The following GTF2E2 variants were observed in gnomAD, a reference collection of about 807,000 sequenced individuals.
GTF2E2 encodes the protein general transcription factor IIE subunit 2, also known as transcription initiation factor IIE subunit beta.
A neutral mutation model predicts 40.5 loss-of-function variants in GTF2E2; 21 were observed. That is an observed-to-expected ratio of 0.52 (90% CI 0.37 to 0.75). The LOEUF is 0.75. GTF2E2 is among the 30% of genes least tolerant of loss of function. GTF2E2 has a pLI of 0.00. For missense variants in GTF2E2, 298 were observed against 338.4 expected, an observed-to-expected ratio of 0.88 and a Z score of 0.94; for synonymous variants, 117 against 121.6, an observed-to-expected ratio of 0.96 and a Z score of 0.25.
At chr8:30,581,875 G>A (rs1025580429) in intron 6 of GTF2E2, among the ~76,000 whole-genome samples, 1 of 152,108 alleles carries the variant, frequency 6.6e-6, no homozygotes, top group African/African-American at 2.4e-5. Flanking sequence ...GGTCCTCAGT[G>A]ATTTGACTAC....
At chr8:30,600,825 A>G (rs1829156800) in intron 6 of GTF2E2, among the ~76,000 whole-genome samples, 2 of 152,176 alleles carry the variant, frequency 1.3e-5, no homozygotes, top group Admixed American at 6.5e-5. Flanking sequence ...CCTTGAGCTA[A>G]TTCTCATTTT....
intron 6 of GTF2E2, among the ~76,000 whole-genome samples, chr8:30,593,627 T>C (rs1828910019): frequency 1.3e-5 from 2 of 152,084 alleles, no homozygotes; most frequent in Non-Finnish European, 2.9e-5. Flanking sequence ...TGAGTAGCAC[T>C]ACGAGACTAC....
In GTF2E2 at chr8:30,596,318, C is replaced by T. The variant is rs80283760; in HGVS notation, c.643+10739G>A. ...TCTCACAGCTTATGGGTTCTCTGCC[C>T]TATTTTTTTCACACTTCAGCTGTAT... is the stretch of plus-strand genomic sequence containing the variant. On this transcript the variant is annotated intron_variant, in intron 6 of 7. Coordinates refer to ENST00000355904, the MANE Select transcript of GTF2E2 (RefSeq NM_002095.6). 4.3e-3 allele frequency among the ~76,000 whole-genome samples: 649 copies of T among 152,240 alleles called. 4 individuals are homozygous for T. Among genetic ancestry groups the T allele is most frequent in the African/African-American group, 0.015 (618 of 41,542 alleles).
intron 7 of GTF2E2, 124 bp downstream of exon 7, chr8:30,580,157 T>A: frequency 1.5e-6 from 1 of 656,772 alleles, no homozygotes; most frequent in Non-Finnish European, 2.7e-6. Flanking sequence ...AGATGTGACC[T>A]GGGCTGCGGA....
intron 3 of GTF2E2, among the ~76,000 whole-genome samples, chr8:30,620,843 C>T (rs1801074988): frequency 6.6e-6 from 1 of 151,486 alleles, no homozygotes; most frequent in Admixed American, 6.6e-5. Flanking sequence ...GCAGGAGAAT[C>T]GCTTGAGCCC....
chr8:30,629,692 A>G (rs1365528469), intron 3 of GTF2E2, among the ~76,000 whole-genome samples: 1 of 150,046 alleles, frequency 6.7e-6, no homozygotes, highest in East Asian at 2.0e-4. Flanking sequence ...CCATCTCAAA[A>G]AAAAAAAAAA....
chr8:30,628,418 G>GA (rs1444442374), intron 3 of GTF2E2, among the ~76,000 whole-genome samples: 2 of 152,164 alleles, frequency 1.3e-5, no homozygotes, highest in Admixed American at 1.3e-4. Context: ...TGTCAAAAGA[G>GA]CACTGACAAT....
intron 2 of GTF2E2, among the ~76,000 whole-genome samples, chr8:30,640,377 T>C (rs931679004): frequency 1.3e-5 from 2 of 152,132 alleles, no homozygotes; most frequent in African/African-American, 4.8e-5. Context: ...ACTGGGGCCT[T>C]TGGGAGTAAA....
chr8:30,589,631 C>T (rs1298786093), intron 6 of GTF2E2, among the ~76,000 whole-genome samples: 1 of 152,226 alleles, frequency 6.6e-6, no homozygotes, highest in Non-Finnish European at 1.5e-5. Flanking sequence ...ACTTCATCCT[C>T]AACATTTCAA....
chr8:30,610,468 C>T (rs1429823140), intron 5 of GTF2E2, among the ~76,000 whole-genome samples: 1 of 143,284 alleles, frequency 7.0e-6, no homozygotes, highest in Admixed American at 7.0e-5. Context: ...AAAAAGGCTA[C>T]ATTAATCAAA....
In GTF2E2 at chr8:30,578,592, G is replaced by T; in HGVS notation, c.*329C>A. The T allele has an allele frequency of 5.5e-6, 1 of 183,070 alleles. No homozygotes were observed. Among genetic ancestry groups the T allele is most frequent in the Non-Finnish European group, 1.1e-5 (1 of 87,958 alleles). The allele number at this position is 183,070 out of a possible 1,614,324, so 11.3% of individuals were successfully genotyped here. ...ACAAATATTGCATTCAAGACTATGGGCAAACTTGCTCTAAAGTAACAAACG... is the reference window on the plus strand; with the variant it reads ...ACAAATATTGCATTCAAGACTATGGTCAAACTTGCTCTAAAGTAACAAACG... On this transcript the variant is annotated 3_prime_UTR_variant, in exon 8 of 8. Coordinates refer to ENST00000355904, the MANE Select transcript of GTF2E2 (RefSeq NM_002095.6).
intron 3 of GTF2E2, among the ~76,000 whole-genome samples, chr8:30,621,268 C>A (rs980048805): frequency 2.6e-5 from 4 of 151,742 alleles, no homozygotes; most frequent in African/African-American, 4.9e-5. Flanking sequence ...GTTTTTAAAT[C>A]AAAAATAAAT....
Position 30,653,506 on chromosome 8 carries a change from T to C in GTF2E2, c.93A>G (p.Ser31=), listed in dbSNP as rs944986120. Residue 31 remains serine, a synonymous_variant, in exon 2 of 8, where the codon TCA becomes TCG. Coordinates refer to ENST00000355904, the MANE Select transcript of GTF2E2 (RefSeq NM_002095.6). ...TCTTCTTCTTTGACGATGATGATGA[T>C]GACTCAGAAGATGCTGAACGTTTTT... is the stretch of plus-strand genomic sequence containing the variant. ...VVEKRSASSE[S]SSSSSKKKKT... 3 of 1,613,248 alleles carry C rather than the reference T, an allele frequency of 1.9e-6. No individual in the cohort carries two copies. The highest frequency in any genetic ancestry group is 1.3e-5 in the African/African-American group (1 of 75,052).
intron 6 of GTF2E2, among the ~76,000 whole-genome samples, chr8:30,605,043 A>G (rs1016752507): frequency 2.6e-5 from 4 of 152,234 alleles, no homozygotes; most frequent in African/African-American, 9.6e-5. Context: ...TGTACTCCTA[A>G]AATAACCCCA....
At chr8:30,607,248 C>T in intron 5 of GTF2E2, 98 bp from the exon 6 acceptor site, 1 of 525,550 alleles carries the variant, frequency 1.9e-6, no homozygotes, top group Non-Finnish European at 3.4e-6. Flanking sequence ...ATTTCCTTAA[C>T]ACACTCAGTA....
chr8:30,591,305 G>A (rs1247776809), intron 6 of GTF2E2, among the ~76,000 whole-genome samples: 2 of 152,046 alleles, frequency 1.3e-5, no homozygotes, highest in South Asian at 2.1e-4. Flanking sequence ...GGGCAACAGA[G>A]TAAGACCCTG....
At chr8:30,596,108 C>T (rs558836438) in intron 6 of GTF2E2, among the ~76,000 whole-genome samples, 4 of 152,098 alleles carry the variant, frequency 2.6e-5, no homozygotes, top group Non-Finnish European at 4.4e-5. Context: ...TGATATGCCT[C>T]GGTGTTTTTC....
At chr8:30,640,062 C>T (rs1801758446) in intron 2 of GTF2E2, among the ~76,000 whole-genome samples, 1 of 152,194 alleles carries the variant, frequency 6.6e-6, no homozygotes, top group Admixed American at 6.5e-5. Context: ...ATTGTTTTAA[C>T]ACTCTATCAT....
At chr8:30,592,496 C>T (rs887573027) in intron 6 of GTF2E2, among the ~76,000 whole-genome samples, 11 of 152,184 alleles carry the variant, frequency 7.2e-5, no homozygotes, top group African/African-American at 2.4e-5. Context: ...TATAGTCAGC[C>T]TTTGGTATCC....
Sources: gnomAD v4.1 joint callset for allele counts (sites outside exome capture counted in the v4.1 genomes callset) on GRCh38, gnomAD v4.1.1 for gene constraint, MANE v1.5 for transcripts, NCBI Gene and HGNC (gene_info 2026-07-23, HGNC 2026-07-21) for gene names.